The following SNRNP48 variants were observed in gnomAD, a reference collection of about 807,000 sequenced individuals.
The protein encoded by SNRNP48 is small nuclear ribonucleoprotein U11/U12 subunit 48, also known as U11/U12 small nuclear ribonucleoprotein 48 kDa protein.
Under a neutral mutation model 47.0 loss-of-function variants are expected in SNRNP48, and 43 were observed. The observed-to-expected ratio is 0.92, with a 90% CI of 0.72 to 1.18. The LOEUF (loss-of-function observed/expected upper bound fraction) is 1.18, where lower values mean the gene tolerates loss of function less well. Ranked by LOEUF, SNRNP48 falls within the 50% of genes most tolerant of loss-of-function variation. The pLI, the probability that SNRNP48 is intolerant of heterozygous loss-of-function variation, is 0.00. For synonymous variants in SNRNP48, 138 were observed against 144.0 expected (o/e 0.96, Z 0.30); for missense variants, 396 against 422.2 (o/e 0.94, Z 0.54).
chr6:7,601,423 A>G lies in SNRNP48; in HGVS notation c.494A>G (p.Tyr165Cys), dbSNP rs542838249. 7 of 1,604,006 alleles carry G rather than the reference A, an allele frequency of 4.4e-6. No homozygotes were observed. Among genetic ancestry groups the G allele is most frequent in the African/African-American group, 1.3e-5 (1 of 74,370 alleles). The change falls in exon 5 of 9, where the codon TAT (tyrosine) becomes TGT (cysteine). Residue 165 changes from tyrosine (Y) to cysteine (C), a missense_variant. Transcript: ENST00000342415. Reference protein sequence around the residue: ...DLTQADRLALYDFVVEETKKK... With the variant: ...DLTQADRLALCDFVVEETKKK... ...ACTCAAGCTGATCGTCTTGCCCTCT[A>G]TGATTTCGTAGTTGAGGAGACAAAG... is the stretch of plus-strand genomic sequence containing the variant.
At chr6:7,607,096 TC>T in intron 8 of SNRNP48, among the ~76,000 whole-genome samples, 1 of 152,298 alleles carries the variant, frequency 6.6e-6, no homozygotes, top group Admixed American at 6.5e-5. Flanking sequence ...AGGCAGGTGA[TC>T]ACTTGAGCTC....
At chr6:7,602,808 T>G in intron 6 of SNRNP48, 64 bp downstream of exon 6, 1 of 1,447,624 alleles carries the variant, frequency 6.9e-7, no homozygotes, top group Non-Finnish European at 9.2e-7. Flanking sequence ...ATCTGTTCTA[T>G]GAATTTCCAC....
At chr6:7,595,279 G>T (rs944927309) in intron 4 of SNRNP48, among the ~76,000 whole-genome samples, 178 bp downstream of exon 4, 1 of 152,194 alleles carries the variant, frequency 6.6e-6, no homozygotes, top group Non-Finnish European at 1.5e-5. Flanking sequence ...GATATTTCCT[G>T]TTGAGATACA....
intron 7 of SNRNP48, 88 bp from the exon 8 acceptor site, chr6:7,605,943 A>G (rs748668763): frequency 1.5e-6 from 2 of 1,336,964 alleles, no homozygotes. Flanking sequence ...TTGATATAGA[A>G]TATTACACTT....
intron 4 of SNRNP48, among the ~76,000 whole-genome samples, chr6:7,596,649 G>A (rs1175312708): frequency 6.6e-6 from 1 of 152,174 alleles, no homozygotes; most frequent in Admixed American, 6.5e-5. Context: ...CACATTTCTT[G>A]TATTTTTTGT....
chr6:7,604,063 A>G (rs1561714909), intron 6 of SNRNP48, among the ~76,000 whole-genome samples: 1 of 140,012 alleles, frequency 7.1e-6, no homozygotes, highest in Non-Finnish European at 1.5e-5. Flanking sequence ...GAAAGGGAGA[A>G]GCAAGGAGGA....
intron 8 of SNRNP48, among the ~76,000 whole-genome samples, chr6:7,608,620 GA>G (rs1181235331): frequency 1.3e-5 from 2 of 151,994 alleles, no homozygotes; most frequent in Non-Finnish European, 2.9e-5. Flanking sequence ...TAATCAAAGT[GA>G]TTTTTTTTTA....
rs1050608489 is a variant in SNRNP48, at chr6:7,609,725, A to G, written c.*852A>G. Reference sequence around the variant, plus strand: ...AAGGTCTTAATGTTTCATTTAATTTAAAATATACTGTCATGTTGTGTTTTG... The same window carrying G: ...AAGGTCTTAATGTTTCATTTAATTTGAAATATACTGTCATGTTGTGTTTTG... On this transcript the variant is annotated 3_prime_UTR_variant, in exon 9 of 9. Transcript: ENST00000342415. The G allele has an allele frequency of 6.6e-6, 1 of 152,148 alleles. No individual in the cohort carries two copies. Among genetic ancestry groups the G allele is most frequent in the East Asian group, 1.9e-4 (1 of 5,204 alleles). 9.4% of individuals were successfully genotyped at this position (152,148 alleles called of 1,614,324 possible). A position where few individuals can be genotyped will look rare whatever the true frequency, so the allele number is the denominator to read the frequency against.
At chr6:7,599,985 CATT>C (rs1759982643) in intron 4 of SNRNP48, 2 of 989,352 alleles carry the variant, frequency 2.0e-6, no homozygotes, top group Non-Finnish European at 1.2e-6. Context: ...TGTAATACAT[CATT>C]ATTTTCTAAT....
chr6:7,609,167 C>A lies in SNRNP48; in HGVS notation c.*294C>A. The stretch of plus-strand genomic sequence containing the variant: ...ATATGTATCTCAAAATTCTTTAAGT[C>A]AATATTTATCATATGTAAATTAAAC... On this transcript the variant is annotated 3_prime_UTR_variant, in exon 9 of 9. Coordinates refer to ENST00000342415, the MANE Select transcript of SNRNP48 (RefSeq NM_152551.4). 5.3e-6 allele frequency: 1 copy of A among 187,070 alleles called. No individual in the cohort carries two copies. Among genetic ancestry groups the A allele is most frequent in the Non-Finnish European group, 1.1e-5 (1 of 91,154 alleles). 11.6% of individuals were successfully genotyped at this position (187,070 alleles called of 1,614,324 possible). A position where few individuals can be genotyped will look rare whatever the true frequency, so the allele number is the denominator to read the frequency against.
At chr6:7,605,517 T>C in intron 7 of SNRNP48, 31 bp downstream of exon 7, 1 of 1,572,970 alleles carries the variant, frequency 6.4e-7, no homozygotes, top group African/African-American at 1.3e-5. Context: ...GTGAAAATAC[T>C]CTCTCTTTGA....
intron 3 of SNRNP48, 39 bp from the exon 4 acceptor site, chr6:7,594,988 G>A: frequency 4.6e-6 from 7 of 1,518,706 alleles, no homozygotes; most frequent in Non-Finnish European, 6.3e-6. Flanking sequence ...GGTCACTGAT[G>A]ATTCATATTG....
chr6:7,591,463 A>G (rs1377942768), intron 1 of SNRNP48, among the ~76,000 whole-genome samples: 4 of 152,182 alleles, frequency 2.6e-5, no homozygotes, highest in South Asian at 2.1e-4. Flanking sequence ...TTTAAGTTAC[A>G]TGACTGATTC....
chr6:7,594,172 T>G lies in SNRNP48; in HGVS notation c.331+13T>G, dbSNP rs770843419. The stretch of plus-strand genomic sequence containing the variant: ...TCGATTACTTTGAGTAAGTATTAAG[T>G]TATTATAATTTAAAAATATCTTAGT... On this transcript the variant is annotated intron_variant, in intron 3 of 8. Transcript: ENST00000342415. 1.5e-5 allele frequency: 18 copies of G among 1,199,188 alleles called. No homozygotes were observed. The highest frequency in any genetic ancestry group is 1.4e-4 in the South Asian group (9 of 63,550). 74.3% of individuals were successfully genotyped at this position (1,199,188 alleles called of 1,614,324 possible). A position where few individuals can be genotyped will look rare whatever the true frequency, so the allele number is the denominator to read the frequency against.
In SNRNP48 at chr6:7,609,097, T is replaced by C. The variant is rs929588252; in HGVS notation, c.*224T>C. ...TTTGTTTTCCTTATATTTTATTAGATGATTTGCTTCCTATAACTGATGTTG... is the reference window on the plus strand; with the variant it reads ...TTTGTTTTCCTTATATTTTATTAGACGATTTGCTTCCTATAACTGATGTTG... On this transcript the variant is annotated 3_prime_UTR_variant, in exon 9 of 9. Coordinates refer to ENST00000342415, the MANE Select transcript of SNRNP48 (RefSeq NM_152551.4). 3.5e-6 allele frequency: 1 copy of C among 289,390 alleles called. No homozygotes were observed. The highest frequency in any genetic ancestry group is 1.7e-4 in the South Asian group (1 of 5,978). The allele number at this position is 289,390 out of a possible 1,614,324, so 17.9% of individuals were successfully genotyped here.
rs962377700 is a variant in SNRNP48 at position 7,611,654 on chromosome 6, C to A, written c.*2781C>A. The A allele has an allele frequency of 6.6e-6, 1 of 152,180 alleles. No homozygotes were observed. The highest frequency in any genetic ancestry group is 2.4e-5 in the African/African-American group (1 of 41,446). The allele number at this position is 152,180 out of a possible 1,614,324, so 9.4% of individuals were successfully genotyped here. A position where few individuals can be genotyped will look rare whatever the true frequency, so the allele number is the denominator to read the frequency against. On this transcript the variant is annotated 3_prime_UTR_variant, in exon 9 of 9. Transcript: ENST00000342415. ...CCCTTTAGTGAAAATATCTTAAATG[C>A]ATTGAGAATATTTTCTAATTACCTG...
At chr6:7,601,130 ATTT>A (rs11306344) in intron 4 of SNRNP48, 279 of 348,378 alleles carry the variant, frequency 8.0e-4, no homozygotes, top group South Asian at 8.8e-4. Flanking sequence ...TCCATAATAC[ATTT>A]TTTTTTTTTT....
intron 4 of SNRNP48, among the ~76,000 whole-genome samples, chr6:7,597,109 T>G (rs1277865633): frequency 6.6e-6 from 1 of 152,208 alleles, no homozygotes; most frequent in Non-Finnish European, 1.5e-5. Flanking sequence ...AACAAACTTG[T>G]GATAAGTTGA....
chr6:7,592,936 C>T (rs947870915), intron 1 of SNRNP48, among the ~76,000 whole-genome samples: 5 of 152,084 alleles, frequency 3.3e-5, no homozygotes, highest in Admixed American at 6.6e-5. Flanking sequence ...TAGTTTCTTG[C>T]TTGAGCAAGG....
Sources: allele counts gnomAD v4.1 joint callset (sites outside exome capture counted in the v4.1 genomes callset), GRCh38; gene constraint gnomAD v4.1.1; transcripts MANE v1.5; gene names NCBI Gene and HGNC (gene_info 2026-07-23, HGNC 2026-07-21).